Variants in UCMA observed in about 807,000 individuals in gnomAD.
The protein encoded by UCMA is upper zone of growth plate and cartilage matrix associated, also known as upper zone of growth plate and cartilage matrix-associated protein.
A neutral mutation model predicts 21.8 loss-of-function variants in UCMA; 21 were observed. The observed-to-expected ratio is 0.97, with a 90% CI of 0.68 to 1.39. The LOEUF (loss-of-function observed/expected upper bound fraction) is 1.39. Ranked by LOEUF, UCMA falls within the 40% of genes most tolerant of loss-of-function variation. The pLI, the probability that UCMA is intolerant of heterozygous loss-of-function variation, is 0.00. For synonymous variants in UCMA, 76 were observed against 67.9 expected (o/e 1.12, Z -0.58); for missense variants, 193 against 178.9 (o/e 1.08, Z -0.45).
chr10:13,227,812 A>G (rs1166165930), intron 4 of UCMA, among the ~76,000 whole-genome samples: 2 of 147,968 alleles, frequency 1.4e-5, no homozygotes, highest in African/African-American at 2.5e-5. Flanking sequence ...TCCCCATTAA[A>G]CGGTCCTAAG....
At chr10:13,234,161 A>G in intron 1 of UCMA, 40 bp downstream of exon 1, 1 of 1,579,648 alleles carries the variant, frequency 6.3e-7, no homozygotes, top group Non-Finnish European at 8.6e-7. Flanking sequence ...CTCCCTTACC[A>G]TGTAACTAAC....
chr10:13,224,512 G>A (rs1834799729), intron 4 of UCMA, among the ~76,000 whole-genome samples: 1 of 152,206 alleles, frequency 6.6e-6, no homozygotes, highest in South Asian at 2.1e-4. Flanking sequence ...CAAAGATGTT[G>A]GAAGGATGGG....
chr10:13,224,842 A>T (rs557141282), intron 4 of UCMA, among the ~76,000 whole-genome samples: 1 of 152,254 alleles, frequency 6.6e-6, no homozygotes, highest in South Asian at 2.1e-4. Flanking sequence ...TTTCCTTCTT[A>T]TGTGGGCTCA....
chr10:13,227,356 T>C (rs1013967751), intron 4 of UCMA, among the ~76,000 whole-genome samples: 1 of 152,160 alleles, frequency 6.6e-6, no homozygotes, highest in African/African-American at 2.4e-5. Flanking sequence ...CAAGTTCACG[T>C]GCACCCAGGA....
chr10:13,234,275 G>T lies in UCMA; in HGVS notation c.-17C>A, dbSNP rs1418813244. ...CCAAGTCATCTTTGCAGAGGTAGGGGCTCCGTCCAGGACCCACAAGGCAGA... is the reference window on the plus strand; with the variant it reads ...CCAAGTCATCTTTGCAGAGGTAGGGTCTCCGTCCAGGACCCACAAGGCAGA... On this transcript the variant is annotated 5_prime_UTR_variant, in exon 1 of 5. Transcript: ENST00000378681. 1 of 1,612,986 alleles carries T rather than the reference G, an allele frequency of 6.2e-7. No homozygotes were observed. Among genetic ancestry groups the T allele is most frequent in the Non-Finnish European group, 8.5e-7 (1 of 1,179,810 alleles).
chr10:13,224,991 T>A (rs910150648), intron 4 of UCMA, among the ~76,000 whole-genome samples: 1 of 152,342 alleles, frequency 6.6e-6, no homozygotes, highest in South Asian at 2.1e-4. Context: ...TCAAGCTCAG[T>A]AGACGAGCTA....
rs1834761664 is a variant in UCMA at position 13,221,910 on chromosome 10, C to T, written c.*193G>A. ...GCAGTTGCTCACCTCAGAAGATGGTCTGCAAAGAGGTGAAAGTCAGGACAC... is the reference window on the plus strand; with the variant it reads ...GCAGTTGCTCACCTCAGAAGATGGTTTGCAAAGAGGTGAAAGTCAGGACAC... On this transcript the variant is annotated 3_prime_UTR_variant, in exon 5 of 5. Coordinates refer to ENST00000378681, the MANE Select transcript of UCMA (RefSeq NM_145314.3). 3.3e-6 allele frequency: 2 copies of T among 607,598 alleles called. No homozygotes were observed. The highest frequency in any genetic ancestry group is 5.8e-6 in the Non-Finnish European group (2 of 343,764). 37.6% of individuals were successfully genotyped at this position (607,598 alleles called of 1,614,324 possible). A position where few individuals can be genotyped will look rare whatever the true frequency, so the allele number is the denominator to read the frequency against.
intron 3 of UCMA, among the ~76,000 whole-genome samples, chr10:13,232,379 AAAAAAAAAAAAAAAAAG>A (rs1834910791): frequency 6.8e-6 from 1 of 147,918 alleles, no homozygotes; most frequent in Non-Finnish European, 1.5e-5. Context: ...CTCAAAAAAA[AAAAAAAAAAAAAAAAAG>A]AGGACAGAAG....
chr10:13,229,763 G>A, intron 3 of UCMA, 54 bp from the exon 4 acceptor site: 2 of 1,479,476 alleles, frequency 1.4e-6, no homozygotes, highest in Non-Finnish European at 1.9e-6. Flanking sequence ...ACACTTAGGG[G>A]CACACACTTA....
chr10:13,223,293 C>T lies in UCMA; in HGVS notation c.320-1093G>A, dbSNP rs144390572. Among the ~76,000 whole-genome samples the T allele has an allele frequency of 2.6e-5, 4 of 151,094 alleles. No homozygotes were observed. In the East Asian group the frequency reaches 7.8e-4, roughly 30 times the overall value. ...CAAAAGAATTGAAAACAGGGACACA[C>T]AAATGGATACTTCTACGTGAATGTT... On this transcript the variant is annotated intron_variant, in intron 4 of 4. Coordinates refer to ENST00000378681, the MANE Select transcript of UCMA (RefSeq NM_145314.3).
intron 4 of UCMA, among the ~76,000 whole-genome samples, chr10:13,222,602 C>T (rs928018242): frequency 4.6e-5 from 7 of 152,102 alleles, no homozygotes; most frequent in Admixed American, 2.0e-4. Flanking sequence ...ACAAACCATG[C>T]CTTGAAAACA....
intron 4 of UCMA, among the ~76,000 whole-genome samples, chr10:13,228,070 T>A (rs924343272): frequency 1.1e-4 from 17 of 151,674 alleles, no homozygotes; most frequent in Non-Finnish European, 4.4e-5. Flanking sequence ...CTTTTCTTTT[T>A]TTTTTCTGAG....
At chr10:13,224,239 A>G (rs2131602119) in intron 4 of UCMA, among the ~76,000 whole-genome samples, 1 of 150,768 alleles carries the variant, frequency 6.6e-6, no homozygotes, top group Non-Finnish European at 1.5e-5. Flanking sequence ...AGTTGGGAGG[A>G]TTGCTCGAGC....
At chr10:13,233,905 G>A in intron 1 of UCMA, 105 bp from the exon 2 acceptor site, 4 of 1,426,808 alleles carry the variant, frequency 2.8e-6, no homozygotes, top group Non-Finnish European at 3.8e-6. Flanking sequence ...GCCAGGGCCT[G>A]GCAGGGGGCC....
At position 13,229,058 on chromosome 10, in the gene UCMA, C is replaced by T. The variant is rs564042867; in HGVS notation, c.319+553G>A. Among the ~76,000 whole-genome samples the T allele has an allele frequency of 2.0e-5, 3 of 152,190 alleles. No individual in the cohort carries two copies. The East Asian group carries it at 5.8e-4, about 30-fold the overall frequency. On this transcript the variant is annotated intron_variant, in intron 4 of 4. Coordinates refer to ENST00000378681, the MANE Select transcript of UCMA (RefSeq NM_145314.3). ...TCAAGCGATTCTCCAGCCTCAGCCT[C>T]CTGAGTAGCTGGGGTTACAGGTGCC...
At chr10:13,233,464 T>G in intron 3 of UCMA, 74 bp downstream of exon 3, 2 of 1,227,214 alleles carry the variant, frequency 1.6e-6, no homozygotes, top group Non-Finnish European at 1.2e-6. Flanking sequence ...CGGCTGACTG[T>G]GGGAGAGGAG....
intron 4 of UCMA, among the ~76,000 whole-genome samples, chr10:13,227,029 A>G (rs994586183): frequency 2.0e-5 from 3 of 151,972 alleles, no homozygotes; most frequent in Admixed American, 6.6e-5. Flanking sequence ...CTTCTCCCCA[A>G]GCTGCCCACC....
intron 1 of UCMA, 34 bp downstream of exon 1, chr10:13,234,167 C>T: frequency 1.3e-6 from 2 of 1,590,056 alleles, no homozygotes; most frequent in Non-Finnish European, 8.6e-7. Context: ...TACCATGTAA[C>T]TAACACCCTC....
At position 13,232,498 on chromosome 10, in the gene UCMA, C is replaced by G. The variant is rs527441403; in HGVS notation, c.220+1040G>C. ...TTTAATCAAAAACAGTCCAGCCCCC[C>G]TCCCAACCTTTCAGTGCTTCTTGAC... is the stretch of plus-strand genomic sequence containing the variant. On this transcript the variant is annotated intron_variant, in intron 3 of 4. Transcript: ENST00000378681. Among the ~76,000 whole-genome samples the G allele has an allele frequency of 1.6e-3, 247 of 152,252 alleles. 6 individuals are homozygous for G. In the South Asian group the frequency reaches 0.05, roughly 31 times the overall value.
Sources: gnomAD v4.1 joint callset for allele counts (sites outside exome capture counted in the v4.1 genomes callset) on GRCh38, gnomAD v4.1.1 for gene constraint, MANE v1.5 for transcripts, NCBI Gene and HGNC (gene_info 2026-07-23, HGNC 2026-07-21) for gene names.